The following FSHR variants were observed in gnomAD, a reference collection of about 807,000 sequenced individuals.
FSHR encodes follicle-stimulating hormone receptor.
Under a neutral mutation model 52.1 loss-of-function variants are expected in FSHR, and 46 were observed. That is an observed-to-expected ratio of 0.88 (90% CI 0.70 to 1.13). FSHR has a LOEUF of 1.13. FSHR is among the 50% of genes most tolerant of loss of function. The pLI is 0.00. For missense variants in FSHR, 964 were observed against 834.6 expected, an observed-to-expected ratio of 1.16 and a Z score of -1.91; for synonymous variants, 399 against 309.6, an observed-to-expected ratio of 1.29 and a Z score of -3.03.
chr2:49,034,115 G>C (rs763997187), intron 2 of FSHR, among the ~76,000 whole-genome samples: 24 of 152,324 alleles, frequency 1.6e-4, no homozygotes, highest in South Asian at 8.3e-4. Flanking sequence ...CCAGAGTCTG[G>C]AGGGCTCAAA....
intron 1 of FSHR, among the ~76,000 whole-genome samples, chr2:49,097,546 G>T (rs61296268): frequency 5.1e-4 from 78 of 152,126 alleles, no homozygotes; most frequent in Admixed American, 2.6e-3. Context: ...AGAGAGCTAA[G>T]AAGGAATGAA....
At chr2:48,980,254 C>G (rs1337307618) in intron 8 of FSHR, among the ~76,000 whole-genome samples, 3 of 152,234 alleles carry the variant, frequency 2.0e-5, no homozygotes, top group African/African-American at 4.8e-5. Flanking sequence ...TTATCACTCT[C>G]TACCTTTTTA....
intron 1 of FSHR, among the ~76,000 whole-genome samples, chr2:49,084,583 T>G (rs1670304384): frequency 6.6e-6 from 1 of 151,986 alleles, no homozygotes; most frequent in Admixed American, 6.6e-5. Flanking sequence ...ATCAACAAAA[T>G]TGATAGACCG....
intron 5 of FSHR, among the ~76,000 whole-genome samples, chr2:48,989,883 G>A: frequency 6.6e-6 from 1 of 152,148 alleles, no homozygotes; most frequent in Non-Finnish European, 1.5e-5. Flanking sequence ...AGTAAATGTG[G>A]AAGTAACAGC....
rs1295696385 is a variant in FSHR, at chr2:48,989,037, A to T, written c.464T>A (p.Ile155Lys). The change falls in exon 6 of 10, where the codon ATA (isoleucine) becomes AAA (lysine). Residue 155 changes from isoleucine (I) to lysine (K), a missense_variant. Coordinates refer to ENST00000406846, the MANE Select transcript of FSHR (RefSeq NM_000145.4). Reference protein sequence around the residue: ...QKVLLDIQDNINIHTIERNSF... With the variant: ...QKVLLDIQDNKNIHTIERNSF... ...ATTTCTTTCAATTGTGTGGATGTTTATGTTATCTTGAATGTCACTAGAAGA... is the reference window on the plus strand; with the variant it reads ...ATTTCTTTCAATTGTGTGGATGTTTTTGTTATCTTGAATGTCACTAGAAGA... 1 of 1,613,570 alleles carries T rather than the reference A, an allele frequency of 6.2e-7. No individual in the cohort carries two copies. Among genetic ancestry groups the T allele is most frequent in the Non-Finnish European group, 8.5e-7 (1 of 1,179,722 alleles).
At chr2:49,012,411 T>G (rs1667308970) in intron 4 of FSHR, among the ~76,000 whole-genome samples, 1 of 151,498 alleles carries the variant, frequency 6.6e-6, no homozygotes, top group Non-Finnish European at 1.5e-5. Flanking sequence ...TATTCATGAG[T>G]TTTTTTTTCC....
At chr2:49,096,696 A>G (rs1300353850) in intron 1 of FSHR, among the ~76,000 whole-genome samples, 1 of 152,128 alleles carries the variant, frequency 6.6e-6, no homozygotes, top group Non-Finnish European at 1.5e-5. Context: ...TAGTTTATGT[A>G]TTTTTCCTTA....
chr2:49,103,830 T>C (rs1430188659), intron 1 of FSHR, among the ~76,000 whole-genome samples: 2 of 152,086 alleles, frequency 1.3e-5, no homozygotes, highest in Non-Finnish European at 2.9e-5. Flanking sequence ...TGGATGAAAT[T>C]TGGGATAAAG....
chr2:49,021,863 C>CTCTA lies in FSHR; in HGVS notation c.225-1704_225-1703insTAGA, dbSNP rs1467766420. 8.4e-4 allele frequency among the ~76,000 whole-genome samples: 42 copies of CTCTA among 49,816 alleles called. 1 individual carries two copies. Among genetic ancestry groups the CTCTA allele is most frequent in the Non-Finnish European group, 1.2e-3 (32 of 27,124 alleles). The allele number at this position is 49,816 out of a possible 152,430, so 32.7% of individuals were successfully genotyped here. On this transcript the variant is annotated intron_variant, in intron 2 of 9. Coordinates refer to ENST00000406846, the MANE Select transcript of FSHR (RefSeq NM_000145.4). ...TCTCTCTCTCTCTCTCTCTCTCTCTCTATATATATATATATATATATATAG... is the reference window on the plus strand; with the variant it reads ...TCTCTCTCTCTCTCTCTCTCTCTCTCTCTATATATATATATATATATATATATAG...
At chr2:48,967,025 C>A (rs963659026) in intron 9 of FSHR, among the ~76,000 whole-genome samples, 4 of 152,112 alleles carry the variant, frequency 2.6e-5, no homozygotes, top group Non-Finnish European at 5.9e-5. Flanking sequence ...CACGATGAGA[C>A]AACAAATTCT....
rs545192090 is a variant in FSHR at position 49,117,455 on chromosome 2, G to C, written c.152+36811C>G. Among the ~76,000 whole-genome samples, 12 of 152,274 alleles carry C rather than the reference G, an allele frequency of 7.9e-5. No homozygotes were observed. In the East Asian group the frequency reaches 2.3e-3, roughly 29 times the overall value. ...ACAAAGAAAAGTTAGTTTCTAAGTG[G>C]ATAGTCATTTTATCTTTTGCTTTTC... On this transcript the variant is annotated intron_variant, in intron 1 of 9. Transcript: ENST00000406846.
intron 1 of FSHR, among the ~76,000 whole-genome samples, chr2:49,071,833 T>C (rs1669744373): frequency 6.6e-6 from 1 of 152,108 alleles, no homozygotes; most frequent in South Asian, 2.1e-4. Context: ...GATGCTAGGC[T>C]CTTTTCAACA....
intron 4 of FSHR, among the ~76,000 whole-genome samples, chr2:49,013,121 T>G (rs1300948667): frequency 6.8e-6 from 1 of 148,114 alleles, no homozygotes; most frequent in Non-Finnish European, 1.5e-5. Context: ...TTCTCTATCT[T>G]CCCCCCCCAC....
intron 2 of FSHR, among the ~76,000 whole-genome samples, chr2:49,027,661 C>A (rs1667953699): frequency 6.6e-6 from 1 of 152,058 alleles, no homozygotes; most frequent in African/African-American, 2.4e-5. Flanking sequence ...ACCAACCTGG[C>A]CAACATGGCA....
chr2:49,011,451 A>G (rs1274732530), intron 4 of FSHR, among the ~76,000 whole-genome samples: 1 of 152,112 alleles, frequency 6.6e-6, no homozygotes, highest in Non-Finnish European at 1.5e-5. Flanking sequence ...ACTTCCAAGT[A>G]TGTGGTCAGT....
intron 8 of FSHR, among the ~76,000 whole-genome samples, chr2:48,974,330 G>C (rs1573028642): frequency 6.6e-6 from 1 of 152,180 alleles, no homozygotes; most frequent in Non-Finnish European, 1.5e-5. Context: ...AAGCCTCCTT[G>C]GTAAACTTCA....
chr2:49,067,168 T>C (rs978774765), intron 2 of FSHR, among the ~76,000 whole-genome samples: 2 of 152,086 alleles, frequency 1.3e-5, no homozygotes, highest in Non-Finnish European at 2.9e-5. Context: ...ATAAAATGCT[T>C]TAATCGAGGT....
At chr2:49,092,756 C>T (rs932664739) in intron 1 of FSHR, among the ~76,000 whole-genome samples, 1 of 152,074 alleles carries the variant, frequency 6.6e-6, no homozygotes, top group Non-Finnish European at 1.5e-5. Context: ...ACCTTCACCT[C>T]CCGGGTTCAA....
At chr2:49,074,156 C>T (rs1298722860) in intron 1 of FSHR, among the ~76,000 whole-genome samples, 1 of 151,908 alleles carries the variant, frequency 6.6e-6, no homozygotes, top group African/African-American at 2.4e-5. Context: ...ACTTCAGAAG[C>T]ACAGGAAACA....
Sources: gnomAD v4.1 joint callset for allele counts (sites outside exome capture counted in the v4.1 genomes callset) on GRCh38, gnomAD v4.1.1 for gene constraint, MANE v1.5 for transcripts, NCBI Gene and HGNC (gene_info 2026-07-23, HGNC 2026-07-21) for gene names.